The following CST6 variants were observed in gnomAD, a reference collection of about 807,000 sequenced individuals.
CST6 encodes cystatin E/M, also known as cystatin-M.
Under a neutral mutation model 10.7 loss-of-function variants are expected in CST6, and 8 were observed. The observed-to-expected ratio is 0.75, with a 90% CI of 0.44 to 1.34. The LOEUF (loss-of-function observed/expected upper bound fraction) is 1.34, where lower values mean the gene tolerates loss of function less well. Ranked by LOEUF, CST6 falls within the 40% of genes most tolerant of loss-of-function variation. The pLI is 0.01. For synonymous variants in CST6, 100 were observed against 89.3 expected (o/e 1.12, Z -0.68); for missense variants, 206 against 205.1 (o/e 1.00, Z -0.03).
In CST6 at chr11:66,012,810, T is replaced by TACCATATGCCCCC. The variant is rs1200189174; in HGVS notation, c.241-13_241-12insATATGCCCCCACC. On this transcript the variant is annotated splice_polypyrimidine_tract_variant and intron_variant, in intron 1 of 2. Transcript: ENST00000312134. ...AGGGTCAAGACCCCTGACCTGCCCC[T>TACCATATGCCCCC]ACCCTATGCCCCCAGCTGGTGGCCG... 3 of 1,592,506 alleles carry TACCATATGCCCCC rather than the reference T, an allele frequency of 1.9e-6. No homozygotes were observed. The highest frequency in any genetic ancestry group is 2.6e-6 in the Non-Finnish European group (3 of 1,165,550).
Position 66,012,106 on chromosome 11 carries a change from C to A in CST6, c.62C>A (p.Ala21Glu), listed in dbSNP as rs753288221. 2.6e-6 allele frequency: 4 copies of A among 1,557,124 alleles called. No individual in the cohort carries two copies. Among genetic ancestry groups the A allele is most frequent in the Non-Finnish European group, 2.6e-6 (3 of 1,158,728 alleles). Residue 21 changes from alanine to glutamate, a missense_variant, in exon 1 of 3, where the codon GCG becomes GAG. Transcript: ENST00000312134. ...GLALVAFCLL[A>E]LPRDARARPQ... ...GCCCTGGTCGCATTCTGCCTCCTGG[C>A]GCTGCCACGCGACGCCCGGGCCCGG...
intron 1 of CST6, 45 bp downstream of exon 1, chr11:66,012,329 G>C: frequency 6.5e-7 from 1 of 1,543,858 alleles, no homozygotes; most frequent in Non-Finnish European, 8.8e-7. Flanking sequence ...GCCCAGATGG[G>C]GGAGGCCACA....
intron 2 of CST6, 140 bp downstream of exon 2, chr11:66,013,091 T>C (rs1466283079): frequency 1.7e-6 from 2 of 1,208,948 alleles, no homozygotes; most frequent in Admixed American, 2.0e-5. Flanking sequence ...AGTCAGCCTC[T>C]GGGCCAAGAT....
In CST6 at chr11:66,012,805, GCCCCTACC is replaced by G. The variant is rs1565066891; in HGVS notation, c.241-19_241-12del. The G allele has an allele frequency of 6.3e-7, 1 of 1,591,882 alleles. No individual in the cohort carries two copies. Among genetic ancestry groups the G allele is most frequent in the Admixed American group, 1.7e-5 (1 of 59,230 alleles). On this transcript the variant is annotated splice_polypyrimidine_tract_variant and intron_variant, in intron 1 of 2. Coordinates refer to ENST00000312134, the MANE Select transcript of CST6 (RefSeq NM_001323.4). ...GATCAAGGGTCAAGACCCCTGACCT[GCCCCTACC>G]CTATGCCCCCAGCTGGTGGCCGGCA...
Position 66,013,342 on chromosome 11 carries a change from T to C in CST6, c.392T>C (p.Leu131Pro). 3 of 1,614,188 alleles carry C rather than the reference T, an allele frequency of 1.9e-6. No individual in the cohort carries two copies. Among genetic ancestry groups the C allele is most frequent in the Non-Finnish European group, 2.5e-6 (3 of 1,180,022 alleles). The change falls in exon 3 of 3, where the codon CTT becomes CCT. Residue 131 changes from leucine to proline, a missense_variant. Transcript: ENST00000312134. ...QEKLRCDFEV[L>P]VVPWQNSSQL... ...AAGCTGCGCTGTGACTTTGAGGTCC[T>C]TGTGGTTCCCTGGCAGAACTCCTCT... is the stretch of plus-strand genomic sequence containing the variant.
At chr11:66,012,506 G>A (rs929530451) in intron 1 of CST6, among the ~76,000 whole-genome samples, 3 of 152,174 alleles carry the variant, frequency 2.0e-5, no homozygotes, top group African/African-American at 7.2e-5. Flanking sequence ...TTCCTGGCTT[G>A]CCTGGTCCTA....
Position 66,012,050 on chromosome 11 carries a change from G to A in CST6, c.6G>A (p.Ala2=), listed in dbSNP as rs774290177. The part of the protein sequence containing the change: M[A]RSNLPLALGL... The stretch of plus-strand genomic sequence containing the variant: ...CTCCGACGGCACTGACGGCCATGGC[G>A]CGTTCGAACCTCCCGCTGGCGCTGG... Residue 2 remains alanine (A), a synonymous_variant, in exon 1 of 3, where the codon GCG becomes GCA. Coordinates refer to ENST00000312134, the MANE Select transcript of CST6 (RefSeq NM_001323.4). 6.4e-7 allele frequency: 1 copy of A among 1,555,780 alleles called. No individual in the cohort carries two copies. Among genetic ancestry groups the A allele is most frequent in the Non-Finnish European group, 8.6e-7 (1 of 1,158,414 alleles).
chr11:66,012,674 A>ACACCC (rs1856180919), intron 1 of CST6, 152 bp from the exon 2 acceptor site: 3 of 41,438 alleles, frequency 7.2e-5, no homozygotes, highest in East Asian at 6.4e-4. Flanking sequence ...TCCCCCCCCC[A>ACACCC]CCCCCCCCCA....
chr11:66,013,075 T>A, intron 2 of CST6, 124 bp downstream of exon 2: 2 of 1,356,448 alleles, frequency 1.5e-6, no homozygotes, highest in Non-Finnish European at 2.0e-6. Context: ...GTCGTCCTTC[T>A]GGATGAGTCA....
At position 66,012,121 on chromosome 11, in the gene CST6, C is replaced by T; in HGVS notation, c.77C>T (p.Ala26Val). 1 of 1,550,348 alleles carries T rather than the reference C, an allele frequency of 6.5e-7. No homozygotes were observed. The highest frequency in any genetic ancestry group is 8.7e-7 in the Non-Finnish European group (1 of 1,153,674). The change falls in exon 1 of 3, where the codon GCC (alanine) becomes GTC (valine). Residue 26 changes from alanine to valine, a missense_variant. Transcript: ENST00000312134. ...AFCLLALPRD[A>V]RARPQERMVG... ...TGCCTCCTGGCGCTGCCACGCGACG[C>T]CCGGGCCCGGCCGCAGGAGCGCATG...
rs575454336 is a variant in CST6, at chr11:66,013,068, G to A, written c.366+117G>A. ...GTCTAGATGTCTGGCTGAACCTGTC[G>A]TCCTTCTGGATGAGTCAGCCTCTGG... On this transcript the variant is annotated intron_variant, in intron 2 of 2. Coordinates refer to ENST00000312134, the MANE Select transcript of CST6 (RefSeq NM_001323.4). 281 of 1,401,128 alleles carry A rather than the reference G, an allele frequency of 2.0e-4. 2 individuals are homozygous for A. The highest frequency in any genetic ancestry group is 1.5e-3 in the East Asian group (60 of 40,540). The allele number at this position is 1,401,128 out of a possible 1,614,324, so 86.8% of individuals were successfully genotyped here. A position where few individuals can be genotyped will look rare whatever the true frequency, so the allele number is the denominator to read the frequency against.
Position 66,012,856 on chromosome 11 carries a change from A to C in CST6, c.271A>C (p.Met91Leu). The C allele has an allele frequency of 6.2e-7, 1 of 1,609,864 alleles. No homozygotes were observed. Among genetic ancestry groups the C allele is most frequent in the Non-Finnish European group, 8.5e-7 (1 of 1,176,790 alleles). ...GGCCGGCATCAAGTACTTCCTGACG[A>C]TGGAGATGGGGAGCACAGACTGCCG... ...LVAGIKYFLT[M>L]EMGSTDCRKT... The change falls in exon 2 of 3, where the codon ATG (methionine) becomes CTG (leucine). Residue 91 changes from methionine (M) to leucine (L), a missense_variant. Met to Leu is a conservative substitution (Grantham distance 15). Transcript: ENST00000312134.
intron 2 of CST6, 108 bp from the exon 3 acceptor site, chr11:66,013,209 T>G (rs751741574): frequency 1.8e-6 from 2 of 1,093,298 alleles, no homozygotes; most frequent in Non-Finnish European, 2.8e-6. Flanking sequence ...GGTCAGTGAT[T>G]GTCCCTCTCT....
chr11:66,013,002 C>A, intron 2 of CST6, 51 bp downstream of exon 2: 2 of 1,603,264 alleles, frequency 1.2e-6, no homozygotes, highest in East Asian at 2.3e-5. Flanking sequence ...CTCAGGCACT[C>A]AGGTTGTCCA....
rs1037924648 is a variant in CST6, at chr11:66,012,252, C to G, written c.208C>G (p.Arg70Gly). Residue 70 changes from arginine to glycine, a missense_variant, in exon 1 of 3, where the codon CGA becomes GGA. Arg to Gly is a moderately radical substitution (Grantham distance 125, BLOSUM62 -2). Coordinates refer to ENST00000312134, the MANE Select transcript of CST6 (RefSeq NM_001323.4). ...NMGSNSIYYF[R>G]DTHIIKAQSQ... Reference sequence around the variant, plus strand: ...GGGCAGCAACAGCATCTACTACTTCCGAGACACGCACATCATCAAGGCGCA... The same window carrying G: ...GGGCAGCAACAGCATCTACTACTTCGGAGACACGCACATCATCAAGGCGCA... 6.2e-7 allele frequency: 1 copy of G among 1,606,188 alleles called. No individual in the cohort carries two copies. The highest frequency in any genetic ancestry group is 1.3e-5 in the African/African-American group (1 of 74,934).
chr11:66,012,107 G>C lies in CST6; in HGVS notation c.63G>C (p.Ala21=). The C allele has an allele frequency of 1.9e-6, 3 of 1,557,352 alleles. No individual in the cohort carries two copies. The highest frequency in any genetic ancestry group is 2.6e-6 in the Non-Finnish European group (3 of 1,158,812). Residue 21 remains alanine, a synonymous_variant, in exon 1 of 3, where the codon GCG becomes GCC. Coordinates refer to ENST00000312134, the MANE Select transcript of CST6 (RefSeq NM_001323.4). The part of the protein sequence containing the change: ...GLALVAFCLL[A]LPRDARARPQ... ...CCCTGGTCGCATTCTGCCTCCTGGC[G>C]CTGCCACGCGACGCCCGGGCCCGGC...
chr11:66,012,942 G>T lies in CST6; in HGVS notation c.357G>T (p.Ala119=), dbSNP rs192083995. 48 of 1,613,208 alleles carry T rather than the reference G, an allele frequency of 3.0e-5. No homozygotes were observed. The highest frequency in any genetic ancestry group is 3.8e-5 in the Non-Finnish European group (45 of 1,179,822). The part of the protein sequence containing the change: ...DLTTCPLAAG[A]QQEKLRCDFE... ...CCACTTGCCCCCTGGCAGCAGGGGC[G>T]CAGCAGGAGGTAACAGCTGGGCTCC... The change falls in exon 2 of 3, where the codon GCG becomes GCT. Residue 119 remains alanine, a synonymous_variant. Coordinates refer to ENST00000312134, the MANE Select transcript of CST6 (RefSeq NM_001323.4).
chr11:66,013,134 G>T (rs1856187986), intron 2 of CST6, 183 bp downstream of exon 2: 2 of 1,000,094 alleles, frequency 2.0e-6, no homozygotes, highest in Non-Finnish European at 1.5e-6. Context: ...GCTTCCCTCG[G>T]GAATGGGGAA....
chr11:66,012,090 G>A lies in CST6; in HGVS notation c.46G>A (p.Ala16Thr), dbSNP rs1482172859. The A allele has an allele frequency of 6.4e-7, 1 of 1,567,016 alleles. No individual in the cohort carries two copies. Among genetic ancestry groups the A allele is most frequent in the Non-Finnish European group, 8.6e-7 (1 of 1,164,742 alleles). The change falls in exon 1 of 3, where the codon GCA (alanine) becomes ACA (threonine). Residue 16 changes from alanine (A) to threonine (T), a missense_variant. Transcript: ENST00000312134. ...LPLALGLALV[A>T]FCLLALPRDA... is the part of the protein sequence containing the mutation. ...GCTGGCGCTGGGCCTGGCCCTGGTC[G>A]CATTCTGCCTCCTGGCGCTGCCACG...
Sources: allele counts gnomAD v4.1 joint callset (sites outside exome capture counted in the v4.1 genomes callset), GRCh38; gene constraint gnomAD v4.1.1; transcripts MANE v1.5; gene names NCBI Gene and HGNC (gene_info 2026-07-23, HGNC 2026-07-21).